The following PTPDC1 variants were observed in gnomAD, a reference collection of about 807,000 sequenced individuals.
The protein encoded by PTPDC1 is protein tyrosine phosphatase domain containing 1, also known as protein tyrosine phosphatase domain-containing protein 1.
A neutral mutation model predicts 75.3 loss-of-function variants in PTPDC1; 53 were observed. That is an observed-to-expected ratio of 0.70 (90% CI 0.56 to 0.88). The LOEUF (loss-of-function observed/expected upper bound fraction) is 0.88, where lower values mean the gene tolerates loss of function less well. Ranked by LOEUF, PTPDC1 falls within the 40% of genes least tolerant of loss-of-function variation. The pLI, the probability that PTPDC1 is intolerant of heterozygous loss-of-function variation, is 0.00. For missense variants in PTPDC1, 925 were observed against 998.6 expected, an observed-to-expected ratio of 0.93 and a Z score of 0.99; for synonymous variants, 349 against 366.2, an observed-to-expected ratio of 0.95 and a Z score of 0.54.
At position 94,036,023 on chromosome 9, in the gene PTPDC1, G is replaced by GTTTTT. The variant is rs200873026; in HGVS notation, c.-7+4903_-7+4907dup. On this transcript the variant is annotated intron_variant, in intron 1 of 9. Transcript: ENST00000375360. The stretch of plus-strand genomic sequence containing the variant: ...TTGCCCATTTTTAATCGGATTATTT[G>GTTTTT]TTTTTTTTTTTGTTTTTTTTTTGCT... 4.1e-4 allele frequency among the ~76,000 whole-genome samples: 35 copies of GTTTTT among 85,540 alleles called. 1 individual carries two copies. Among genetic ancestry groups the GTTTTT allele is most frequent in the East Asian group, 7.7e-4 (2 of 2,602 alleles). 56.1% of individuals were successfully genotyped at this position (85,540 alleles called of 152,430 possible).
At chr9:94,037,293 T>C (rs1012271773) in intron 1 of PTPDC1, among the ~76,000 whole-genome samples, 1 of 152,240 alleles carries the variant, frequency 6.6e-6, no homozygotes, top group African/African-American at 2.4e-5. Flanking sequence ...TTCCCAATAC[T>C]GTTTCCCAAG....
At position 94,053,885 on chromosome 9, in the gene PTPDC1, G is replaced by A. The variant is rs533527420; in HGVS notation, c.-6-10849G>A. Among the ~76,000 whole-genome samples the A allele has an allele frequency of 5.3e-5, 8 of 152,342 alleles. No individual in the cohort carries two copies. The South Asian group carries it at 1.2e-3, about 24-fold the overall frequency. On this transcript the variant is annotated intron_variant, in intron 1 of 9. Transcript: ENST00000375360. ...TATATGTTCTTAGCAATAACCCTGA[G>A]ATGCGTAAGGCATGATTACTGTTCC...
At chr9:94,050,990 G>A (rs570002567) in intron 1 of PTPDC1, among the ~76,000 whole-genome samples, 12 of 152,294 alleles carry the variant, frequency 7.9e-5, no homozygotes, top group Non-Finnish European at 1.5e-4. Flanking sequence ...GTGAGGCTCC[G>A]TGGGCATAGG....
intron 1 of PTPDC1, among the ~76,000 whole-genome samples, chr9:94,060,738 AACTC>A (rs1808882697): frequency 6.6e-6 from 1 of 152,106 alleles, no homozygotes; most frequent in Admixed American, 6.5e-5. Context: ...ATCCCATGAG[AACTC>A]ACTCACTATA....
At chr9:94,061,483 C>T (rs1826134816) in intron 1 of PTPDC1, among the ~76,000 whole-genome samples, 1 of 152,252 alleles carries the variant, frequency 6.6e-6, no homozygotes, top group South Asian at 2.1e-4. Context: ...CCACATTTCC[C>T]CTCTGTGCTG....
intron 1 of PTPDC1, among the ~76,000 whole-genome samples, chr9:94,062,449 A>T (rs1459371130): frequency 6.6e-6 from 1 of 152,166 alleles, no homozygotes; most frequent in African/African-American, 2.4e-5. Context: ...CACATTTTCA[A>T]GTATCTTTAT....
At chr9:94,091,818 T>A (rs926348707) in intron 4 of PTPDC1, among the ~76,000 whole-genome samples, 2 of 152,102 alleles carry the variant, frequency 1.3e-5, no homozygotes, top group Non-Finnish European at 2.9e-5. Flanking sequence ...TTGGGAGAGT[T>A]TATGTGCAGA....
chr9:94,063,639 G>T, intron 1 of PTPDC1, among the ~76,000 whole-genome samples: 1 of 152,058 alleles, frequency 6.6e-6, no homozygotes, highest in African/African-American at 2.4e-5. Flanking sequence ...ACTTTTTTGA[G>T]CGTATAAAGA....
Position 94,098,335 on chromosome 9 carries a change from G to T in PTPDC1, c.1769G>T (p.Gly590Val). 6.2e-7 allele frequency: 1 copy of T among 1,614,210 alleles called. No individual in the cohort carries two copies. The highest frequency in any genetic ancestry group is 8.5e-7 in the Non-Finnish European group (1 of 1,180,044). ...AAAACTCATGGTGTTGGGAGCCCTG[G>T]CTCTGTCAGGCAGAACAGCAGGACA... ...QCKTHGVGSP[G>V]SVRQNSRTPR... The change falls in exon 6 of 9, where the codon GGC (glycine) becomes GTC (valine). Residue 590 changes from glycine (G) to valine (V), a missense_variant. By Grantham distance (109) the Gly-to-Val change is moderately radical (BLOSUM62 -3). Transcript: ENST00000620992.
intron 4 of PTPDC1, among the ~76,000 whole-genome samples, chr9:94,093,516 C>A (rs10821292): frequency 6.8e-6 from 1 of 147,398 alleles, no homozygotes; most frequent in East Asian, 2.0e-4. Context: ...CTGCCCTTAA[C>A]ATTTTTTCCT....
At chr9:94,082,839 A>G (rs1826929839), upstream of PTPDC1, among the ~76,000 whole-genome samples, 1 of 152,192 alleles carries the variant, frequency 6.6e-6, no homozygotes, top group Non-Finnish European at 1.5e-5. Flanking sequence ...ATTATTCTTG[A>G]GGTGATCTAT....
chr9:94,052,128 G>T (rs756151870), intron 1 of PTPDC1, among the ~76,000 whole-genome samples: 2 of 152,036 alleles, frequency 1.3e-5, no homozygotes, highest in Non-Finnish European at 2.9e-5. Context: ...ACATTTCAGT[G>T]CTATTAAGTA....
Position 94,107,997 on chromosome 9 carries a change from T to C in PTPDC1, c.*53T>C, listed in dbSNP as rs1007991408. On this transcript the variant is annotated 3_prime_UTR_variant, in exon 9 of 9. Coordinates refer to ENST00000620992, the MANE Select transcript of PTPDC1 (RefSeq NM_001253829.2). ...CTAAAGATCCAGATAGTATCTCTGT[T>C]CATATGTGAATAAGTTGAAGATTGT... The C allele has an allele frequency of 1.9e-6, 2 of 1,043,646 alleles. No homozygotes were observed. Among genetic ancestry groups the C allele is most frequent in the Non-Finnish European group, 2.7e-6 (2 of 736,566 alleles). 64.6% of individuals were successfully genotyped at this position (1,043,646 alleles called of 1,614,324 possible). A position where few individuals can be genotyped will look rare whatever the true frequency, so the allele number is the denominator to read the frequency against.
intron 1 of PTPDC1, among the ~76,000 whole-genome samples, chr9:94,048,392 C>A (rs143566134): frequency 3.3e-4 from 50 of 152,184 alleles, no homozygotes; most frequent in African/African-American, 1.1e-3. Flanking sequence ...CCCAGAGATT[C>A]TTGTATGTTG....
At chr9:94,041,287 G>A (rs983934777) in intron 1 of PTPDC1, among the ~76,000 whole-genome samples, 2 of 152,204 alleles carry the variant, frequency 1.3e-5, no homozygotes, top group African/African-American at 4.8e-5. Context: ...CATGGGGAAA[G>A]TATCGTCATT....
rs375711803 is a variant in PTPDC1 at position 94,101,315 on chromosome 9, A to G, written c.2014-251A>G. 947 of 351,308 alleles carry G rather than the reference A, an allele frequency of 2.7e-3. 48 individuals are homozygous for G. The South Asian group carries it at 0.091, about 34-fold the overall frequency. The allele number at this position is 351,308 out of a possible 1,614,324, so 21.8% of individuals were successfully genotyped here. On this transcript the variant is annotated intron_variant, in intron 6 of 8. Transcript: ENST00000620992. ...GCTTTAACCGACCTTATCTCAGTCAATCAGCCCAACAGCTTGTGAAGCAGG... is the reference window on the plus strand; with the variant it reads ...GCTTTAACCGACCTTATCTCAGTCAGTCAGCCCAACAGCTTGTGAAGCAGG...
intron 4 of PTPDC1, among the ~76,000 whole-genome samples, 193 bp downstream of exon 4, chr9:94,088,456 G>A (rs1395499641): frequency 6.6e-6 from 1 of 152,166 alleles, no homozygotes; most frequent in East Asian, 1.9e-4. Context: ...CCTGTAAGAG[G>A]GATGTTGGGA....
intron 5 of PTPDC1, among the ~76,000 whole-genome samples, chr9:94,096,034 T>G (rs1827552152): frequency 6.6e-6 from 1 of 152,188 alleles, no homozygotes; most frequent in Admixed American, 6.5e-5. Context: ...AGGATTTTGT[T>G]TGTGAAGAAG....
chr9:94,067,453 A>G (rs774627229), intron 2 of PTPDC1, among the ~76,000 whole-genome samples: 7 of 151,934 alleles, frequency 4.6e-5, no homozygotes, highest in Non-Finnish European at 8.8e-5. Context: ...CAAATAATCA[A>G]CATTATTTAC....
Sources: allele counts gnomAD v4.1 joint callset (sites outside exome capture counted in the v4.1 genomes callset), GRCh38; gene constraint gnomAD v4.1.1; transcripts MANE v1.5; gene names NCBI Gene and HGNC (gene_info 2026-07-23, HGNC 2026-07-21).